NSD2: variants seen among roughly 807,000 people sequenced by gnomAD.
The protein encoded by NSD2 is histone-lysine N-methyltransferase NSD2.
Under a neutral mutation model 139.0 loss-of-function variants are expected in NSD2, and 12 were observed. The ratio of observed to expected loss-of-function variants is 0.09; its 90% CI spans 0.06 to 0.14. The LOEUF (loss-of-function observed/expected upper bound fraction) is 0.14. Among genes scored for constraint, NSD2 ranks in the 10% least tolerant of loss-of-function variants. The pLI is 1.00. For synonymous variants in NSD2, 669 were observed against 648.7 expected (o/e 1.03, Z -0.48); for missense variants, 1,155 against 1,745.0 (o/e 0.66, Z 6.02).
chr4:1,930,677 A>T lies in NSD2; in HGVS notation c.1462A>T (p.Arg488Trp). 6.2e-7 allele frequency: 1 copy of T among 1,613,998 alleles called. No individual in the cohort carries two copies. Among genetic ancestry groups the T allele is most frequent in the Non-Finnish European group, 8.5e-7 (1 of 1,179,938 alleles). Reference protein sequence around the residue: ...ASGEEIEELLRSQWSLLSEKQ... With the variant: ...ASGEEIEELLWSQWSLLSEKQ... ...AGGTGAGGAGATTGAAGAGCTGCTCAGGTCACAGTGGAGTCTGCTGAGTGA... is the reference window on the plus strand; with the variant it reads ...AGGTGAGGAGATTGAAGAGCTGCTCTGGTCACAGTGGAGTCTGCTGAGTGA... Residue 488 changes from arginine to tryptophan, a missense_variant, in exon 6 of 22, where the codon AGG (arginine) becomes TGG (tryptophan). Physicochemically the swap from Arg to Trp is moderately radical, Grantham distance 101. Transcript: ENST00000508803.
intron 17 of NSD2, among the ~76,000 whole-genome samples, chr4:1,960,411 A>G (rs1040399698): frequency 6.6e-6 from 1 of 152,176 alleles, no homozygotes; most frequent in Admixed American, 6.5e-5. Context: ...TCTAGGACCA[A>G]GTCGTTGGTA....
intron 5 of NSD2, among the ~76,000 whole-genome samples, chr4:1,927,719 G>GGAA (rs1721113291): frequency 5.3e-5 from 1 of 18,872 alleles, no homozygotes; most frequent in African/African-American, 1.2e-4. Context: ...TCTTATCTCA[G>GGAA]AAAAAAAAAA....
At chr4:1,967,926 A>G (rs1726055368) in intron 18 of NSD2, among the ~76,000 whole-genome samples, 1 of 152,222 alleles carries the variant, frequency 6.6e-6, no homozygotes, top group African/African-American at 2.4e-5. Flanking sequence ...AACAGGCAGC[A>G]CGTGGTCAGT....
intron 1 of NSD2, among the ~76,000 whole-genome samples, chr4:1,892,541 T>C (rs769134322): frequency 4.2e-4 from 64 of 152,152 alleles, no homozygotes; most frequent in Admixed American, 2.0e-4. Flanking sequence ...CCACCTCTGT[T>C]CCTGTCCCCC....
intron 1 of NSD2, among the ~76,000 whole-genome samples, chr4:1,877,123 C>T (rs1015196613): frequency 2.0e-5 from 3 of 150,846 alleles, no homozygotes; most frequent in African/African-American, 2.5e-5. Flanking sequence ...GGCGACAGGA[C>T]GAGATTCTGT....
In NSD2 at chr4:1,935,251, A is replaced by G. The variant is rs1439497500; in HGVS notation, c.1663A>G (p.Ser555Gly). Residue 555 changes from serine (S) to glycine (G), a missense_variant, in exon 7 of 22, where the codon AGT becomes GGT. By Grantham distance (56) the Ser-to-Gly change is moderately conservative. Around this residue, in one of 8 missense-constraint regions of NSD2, gnomAD observed 420 missense variants for 469.0 expected, o/e 0.90. Transcript: ENST00000508803. ...PRKRLRTDKHSLRKRDTITDK... is the reference protein window; with the variant it reads ...PRKRLRTDKHGLRKRDTITDK... Reference sequence around the variant, plus strand: ...GAAAAGACTCAGGACGGACAAGCACAGTCTTCGGAAGGTAATTGTGTTCCA... The same window carrying G: ...GAAAAGACTCAGGACGGACAAGCACGGTCTTCGGAAGGTAATTGTGTTCCA... 10 of 1,612,238 alleles carry G rather than the reference A, an allele frequency of 6.2e-6. No individual in the cohort carries two copies. The highest frequency in any genetic ancestry group is 8.5e-6 in the Non-Finnish European group (10 of 1,178,934).
In NSD2 at chr4:1,948,295, C is replaced by T. The variant is rs953527024; in HGVS notation, c.1882-2777C>T. 6.3e-5 allele frequency: 67 copies of T among 1,065,502 alleles called. 1 individual carries two copies. Among genetic ancestry groups the T allele is most frequent in the Middle Eastern group, 8.4e-4 (2 of 2,390 alleles). 66.0% of individuals were successfully genotyped at this position (1,065,502 alleles called of 1,614,324 possible). On this transcript the variant is annotated intron_variant, in intron 9 of 21. Transcript: ENST00000508803. This position sits in a 1 kb window ranked among gnomAD's most constrained non-coding sequence, Gnocchi z 4.5. ...GCACTTTTCCTTTCCAAATGCATCT[C>T]GTTGGATATGGAATAGATCGTAGAT...
chr4:1,871,677 T>G (rs1424965820), intron 1 of NSD2, 135 bp downstream of exon 1: 10 of 113,026 alleles, frequency 8.8e-5, no homozygotes, highest in Non-Finnish European at 7.5e-5. Flanking sequence ...CCGGGAGGAG[T>G]GGGGGCACTG....
chr4:1,943,410 G>A (rs1723304233), intron 9 of NSD2: 2 of 1,041,268 alleles, frequency 1.9e-6, no homozygotes, highest in African/African-American at 1.7e-5. Context: ...AGTAATAATG[G>A]TTATAATAAT....
chr4:1,932,568 G>C (rs532654420), intron 6 of NSD2, among the ~76,000 whole-genome samples: 4 of 151,548 alleles, frequency 2.6e-5, no homozygotes, highest in African/African-American at 4.9e-5. Flanking sequence ...CCAGCATGGA[G>C]AAACCCCATC....
chr4:1,935,301 A>G, intron 7 of NSD2, 39 bp downstream of exon 7: 6 of 1,516,786 alleles, frequency 4.0e-6, no homozygotes, highest in Non-Finnish European at 4.6e-6. Flanking sequence ...GTCAGAGTGT[A>G]TGCTCTGTGA....
intron 21 of NSD2, 27 bp from the exon 22 acceptor site, chr4:1,978,611 G>T: frequency 6.3e-7 from 1 of 1,581,400 alleles, no homozygotes; most frequent in African/African-American, 1.3e-5. Context: ...TCACTTCTGT[G>T]TGCTCACATC....
At position 1,958,614 on chromosome 4, in the gene NSD2, G is replaced by A. The variant is rs567923470; in HGVS notation, c.2985+578G>A. ...CAGGAGCCTCGTGGCCGTTCCTGAC[G>A]AGTGTTTGTGATAAGTGTGTGCCGG... On this transcript the variant is annotated intron_variant, in intron 16 of 21. Coordinates refer to ENST00000508803, the MANE Select transcript of NSD2 (RefSeq NM_001042424.3). This position sits in a 1 kb window ranked among gnomAD's most constrained non-coding sequence, Gnocchi z 4.6. Among the ~76,000 whole-genome samples, 4 of 152,378 alleles carry A rather than the reference G, an allele frequency of 2.6e-5. No homozygotes were observed. In the South Asian group the frequency reaches 6.2e-4, roughly 24 times the overall value.
At chr4:1,960,231 C>T (rs1305353260) in intron 17 of NSD2, among the ~76,000 whole-genome samples, 1 of 152,194 alleles carries the variant, frequency 6.6e-6, no homozygotes, top group Non-Finnish European at 1.5e-5. Flanking sequence ...TCTGCTATAA[C>T]TCACACATTC....
chr4:1,872,410 G>C (rs2108873673), intron 1 of NSD2, among the ~76,000 whole-genome samples: 1 of 152,314 alleles, frequency 6.6e-6, no homozygotes, highest in Non-Finnish European at 1.5e-5. Flanking sequence ...CTGGTCTTAA[G>C]TTTCGGTAGA....
intron 5 of NSD2, among the ~76,000 whole-genome samples, chr4:1,929,007 T>A (rs1244033564): frequency 2.0e-5 from 3 of 151,776 alleles, no homozygotes; most frequent in Non-Finnish European, 4.4e-5. Context: ...CAGGGAACAC[T>A]GGTGGAGTGC....
chr4:1,907,129 C>T (rs1010534737), intron 3 of NSD2, among the ~76,000 whole-genome samples: 6 of 152,114 alleles, frequency 3.9e-5, no homozygotes, highest in Admixed American at 2.0e-4. Flanking sequence ...CTTAATCTCG[C>T]TAAGCTTCAG....
chr4:1,969,067 G>T (rs966176955), intron 18 of NSD2, among the ~76,000 whole-genome samples: 2 of 152,194 alleles, frequency 1.3e-5, no homozygotes, highest in African/African-American at 4.8e-5. Context: ...CCGGACACAG[G>T]GGGTGCAGAG....
intron 1 of NSD2, among the ~76,000 whole-genome samples, chr4:1,890,571 G>C (rs1370423487): frequency 6.6e-6 from 1 of 151,830 alleles, no homozygotes; most frequent in Non-Finnish European, 1.5e-5. Context: ...AAAGTGCTGG[G>C]ATTACAGGCG....
Sources: gnomAD v4.1 joint callset for allele counts (sites outside exome capture counted in the v4.1 genomes callset) on GRCh38, gnomAD v4.1.1 for gene constraint, gnomAD v4.1.1 regional missense constraint, Gnocchi (gnomAD v3.1) non-coding constraint, MANE v1.5 for transcripts, NCBI Gene and HGNC (gene_info 2026-07-23, HGNC 2026-07-21) for gene names.